The following EXOC6 variants were observed in gnomAD, a reference collection of about 807,000 sequenced individuals.
EXOC6 encodes SEC15-like 1.
A neutral mutation model predicts 112.5 loss-of-function variants in EXOC6; 60 were observed. The observed-to-expected ratio is 0.53, with a 90% CI of 0.43 to 0.66. The LOEUF (loss-of-function observed/expected upper bound fraction) is 0.66, where lower values mean the gene tolerates loss of function less well. Among genes scored for constraint, EXOC6 ranks in the 30% least tolerant of loss-of-function variants. The pLI is 0.00. For synonymous variants in EXOC6, 295 were observed against 308.0 expected (o/e 0.96, Z 0.44); for missense variants, 855 against 957.1 (o/e 0.89, Z 1.41).
At position 93,042,749 on chromosome 10, in the gene EXOC6, G is replaced by A. The variant is rs1455226567; in HGVS notation, c.2170-14175G>A. ...GGTAACCCAAACAGACTAAGACAGCGTCATAAGAAGTATTAACTCTGAAGT... is the reference window on the plus strand; with the variant it reads ...GGTAACCCAAACAGACTAAGACAGCATCATAAGAAGTATTAACTCTGAAGT... On this transcript the variant is annotated intron_variant, in intron 20 of 21. Coordinates refer to ENST00000260762, the MANE Select transcript of EXOC6 (RefSeq NM_019053.6). 2.6e-5 allele frequency among the ~76,000 whole-genome samples: 4 copies of A among 152,080 alleles called. No homozygotes were observed. In the East Asian group the frequency reaches 7.7e-4, roughly 29 times the overall value.
intron 7 of EXOC6, among the ~76,000 whole-genome samples, chr10:92,919,344 C>T (rs1193758243): frequency 6.6e-6 from 1 of 152,204 alleles, no homozygotes; most frequent in Non-Finnish European, 1.5e-5. Context: ...TGGAGATTCA[C>T]ATGAGTACAA....
intron 1 of EXOC6, among the ~76,000 whole-genome samples, chr10:92,870,417 A>T (rs916135826): frequency 6.6e-6 from 1 of 152,150 alleles, no homozygotes; most frequent in Non-Finnish European, 1.5e-5. Flanking sequence ...CGTCAGTATG[A>T]TTGAATTTAT....
intron 1 of EXOC6, among the ~76,000 whole-genome samples, chr10:92,852,864 T>C (rs2133636404): frequency 6.6e-6 from 1 of 152,290 alleles, no homozygotes; most frequent in African/African-American, 2.4e-5. Flanking sequence ...GGTAAGGATA[T>C]TCATTCTCAC....
intron 1 of EXOC6, chr10:92,834,921 C>G: frequency 1.5e-6 from 1 of 658,688 alleles, no homozygotes; most frequent in Non-Finnish European, 2.6e-6. Flanking sequence ...AAAAAATATT[C>G]TTGCAAAACA....
At chr10:93,005,294 T>C (rs1025378289) in intron 19 of EXOC6, among the ~76,000 whole-genome samples, 1 of 152,140 alleles carries the variant, frequency 6.6e-6, no homozygotes, top group Non-Finnish European at 1.5e-5. Context: ...AATACATACT[T>C]GGAAATTGCA....
Position 92,927,978 on chromosome 10 carries a change from T to C in EXOC6, c.889-361T>C, listed in dbSNP as rs116512591. On this transcript the variant is annotated intron_variant, in intron 8 of 21. Coordinates refer to ENST00000260762, the MANE Select transcript of EXOC6 (RefSeq NM_019053.6). ...TTGTATAACATGCTCATGTTACACA[T>C]AGGGCCTTGTATAACATGCTCAGAA... 5.6e-3 allele frequency among the ~76,000 whole-genome samples: 850 copies of C among 152,298 alleles called. 6 individuals are homozygous for C. The highest frequency in any genetic ancestry group is 0.017 in the African/African-American group (703 of 41,560).
intron 18 of EXOC6, among the ~76,000 whole-genome samples, chr10:92,996,048 G>T (rs975650832): frequency 6.6e-6 from 1 of 152,078 alleles, no homozygotes; most frequent in East Asian, 1.9e-4. Flanking sequence ...TAACATTTCT[G>T]TTTGGGAGAT....
chr10:93,044,218 G>A (rs908350893), intron 20 of EXOC6, among the ~76,000 whole-genome samples: 6 of 152,118 alleles, frequency 3.9e-5, no homozygotes, highest in Non-Finnish European at 7.3e-5. Flanking sequence ...TGTTTGTCGC[G>A]CAAATTATTA....
intron 1 of EXOC6, among the ~76,000 whole-genome samples, chr10:92,889,386 C>T (rs1849382365): frequency 6.6e-6 from 1 of 152,020 alleles, no homozygotes; most frequent in Non-Finnish European, 1.5e-5. Flanking sequence ...CCATATATTC[C>T]CTATCCTACT....
At chr10:92,988,800 TACACACACACACACAC>T (rs67242778) in intron 18 of EXOC6, among the ~76,000 whole-genome samples, 7 of 142,992 alleles carry the variant, frequency 4.9e-5, no homozygotes, top group Admixed American at 6.9e-5. Context: ...CTACAAAAAA[TACACACACACACACAC>T]ACACACACAC....
intron 20 of EXOC6, among the ~76,000 whole-genome samples, chr10:93,037,341 T>C (rs1845559127): frequency 2.6e-5 from 4 of 151,568 alleles, no homozygotes; most frequent in Admixed American, 2.6e-4. Flanking sequence ...AGTCTTGCCA[T>C]GTTGCCCAGA....
chr10:92,925,562 T>G (rs1851668497), intron 8 of EXOC6, among the ~76,000 whole-genome samples: 1 of 152,204 alleles, frequency 6.6e-6, no homozygotes, highest in Non-Finnish European at 1.5e-5. Flanking sequence ...CCCAAAGTGC[T>G]GGGATTACAG....
At position 92,917,704 on chromosome 10, in the gene EXOC6, A is replaced by T. The variant is rs557385565; in HGVS notation, c.819+1791A>T. On this transcript the variant is annotated intron_variant, in intron 7 of 21. Coordinates refer to ENST00000260762, the MANE Select transcript of EXOC6 (RefSeq NM_019053.6). Reference sequence around the variant, plus strand: ...CCATGCCTGGCTAATTAAAAAAAAAAAATTTCTTATAGAGACAGAGGTCTC... The same window carrying T: ...CCATGCCTGGCTAATTAAAAAAAAATAATTTCTTATAGAGACAGAGGTCTC... 5.9e-3 allele frequency among the ~76,000 whole-genome samples: 897 copies of T among 151,898 alleles called. 5 individuals carry two copies. The highest frequency in any genetic ancestry group is 0.017 in the Middle Eastern group (5 of 294).
At chr10:92,884,979 CATTTG>C (rs1227280564) in intron 1 of EXOC6, among the ~76,000 whole-genome samples, 1 of 152,070 alleles carries the variant, frequency 6.6e-6, no homozygotes, top group Non-Finnish European at 1.5e-5. Context: ...TCAGTTAAGA[CATTTG>C]ATTTGATGAT....
chr10:92,861,424 G>T (rs1348014301), intron 1 of EXOC6, among the ~76,000 whole-genome samples: 1 of 152,144 alleles, frequency 6.6e-6, no homozygotes, highest in African/African-American at 2.4e-5. Context: ...AATATCCATG[G>T]TTGTTATTAC....
intron 1 of EXOC6, among the ~76,000 whole-genome samples, chr10:92,835,457 A>G (rs1382951838): frequency 6.6e-6 from 1 of 152,216 alleles, no homozygotes; most frequent in Admixed American, 6.5e-5. Context: ...TTTAAAATTT[A>G]ATTCTCTATG....
intron 6 of EXOC6, among the ~76,000 whole-genome samples, chr10:92,911,592 G>A (rs1245421201): frequency 6.6e-6 from 1 of 152,172 alleles, no homozygotes; most frequent in East Asian, 1.9e-4. Flanking sequence ...TAGGATTTAA[G>A]ATTTACAAAA....
Position 92,915,854 on chromosome 10 carries a change from G to A in EXOC6, c.760G>A (p.Glu254Lys). The change falls in exon 7 of 22, where the codon GAA (glutamate) becomes AAA (lysine). Residue 254 changes from glutamate (E) to lysine (K), a missense_variant. Transcript: ENST00000260762. Reference protein sequence around the residue: ...MYINRDRIPEERNETVLKHSL... With the variant: ...MYINRDRIPEKRNETVLKHSL... ...TATAAATCGTGATAGAATTCCAGAG[G>A]AAAGGAATGAAACTGTATTGAAACA... The A allele has an allele frequency of 6.4e-7, 1 of 1,554,078 alleles. No homozygotes were observed.
Position 93,035,870 on chromosome 10 carries a change from G to A in EXOC6, c.2170-21054G>A, listed in dbSNP as rs12269377. Among the ~76,000 whole-genome samples, 343 of 151,686 alleles carry A rather than the reference G, an allele frequency of 2.3e-3. 3 individuals carry two copies. Among genetic ancestry groups the A allele is most frequent in the African/African-American group, 8.1e-3 (335 of 41,314 alleles). On this transcript the variant is annotated intron_variant, in intron 20 of 21. Coordinates refer to ENST00000260762, the MANE Select transcript of EXOC6 (RefSeq NM_019053.6). ...ACTCTGTCTCCAGAAAAACAGAAAC[G>A]AAAACACAGGAAGTAGATATTGTAT...
Sources: gnomAD v4.1 joint callset for allele counts (sites outside exome capture counted in the v4.1 genomes callset) on GRCh38, gnomAD v4.1.1 for gene constraint, MANE v1.5 for transcripts, NCBI Gene and HGNC (gene_info 2026-07-23, HGNC 2026-07-21) for gene names.